NIPSNAP2: variants seen among roughly 807,000 people sequenced by gnomAD.
NIPSNAP2 encodes protein NipSnap homolog 2.
In NIPSNAP2, 42 loss-of-function variants were observed where a neutral mutation model predicts 48.4. The observed-to-expected ratio is 0.87, with a 90% CI of 0.68 to 1.12. The LOEUF (loss-of-function observed/expected upper bound fraction) is 1.12. Among genes scored for constraint, NIPSNAP2 ranks in the 50% most tolerant of loss-of-function variants. NIPSNAP2 has a pLI of 0.00. For synonymous variants in NIPSNAP2, 158 were observed against 126.6 expected (o/e 1.25, Z -1.67); for missense variants, 314 against 347.3 (o/e 0.90, Z 0.76).
chr7:55,996,397 C>T (rs925200037), intron 8 of NIPSNAP2, among the ~76,000 whole-genome samples: 4 of 152,052 alleles, frequency 2.6e-5, no homozygotes, highest in Admixed American at 6.6e-5. Context: ...CCTATTCCTA[C>T]GTCAGTGATG....
intron 7 of NIPSNAP2, among the ~76,000 whole-genome samples, 174 bp downstream of exon 7, chr7:55,985,052 T>A (rs1168061726): frequency 1.3e-5 from 2 of 152,188 alleles, no homozygotes; most frequent in Non-Finnish European, 2.9e-5. Flanking sequence ...CTAGAGAGAA[T>A]AATGGGGCTC....
At chr7:55,976,979 T>C (rs1056409918) in intron 1 of NIPSNAP2, among the ~76,000 whole-genome samples, 7 of 152,156 alleles carry the variant, frequency 4.6e-5, no homozygotes, top group African/African-American at 1.7e-4. Flanking sequence ...GCATTCACAA[T>C]AGAAATTTAA....
chr7:55,994,068 C>T (rs1343005402), intron 7 of NIPSNAP2, among the ~76,000 whole-genome samples: 3 of 152,110 alleles, frequency 2.0e-5, no homozygotes, highest in Non-Finnish European at 4.4e-5. Flanking sequence ...GGGTGTTTCT[C>T]AGGATTTCAG....
At chr7:55,970,068 T>C (rs1786988193) in intron 1 of NIPSNAP2, among the ~76,000 whole-genome samples, 1 of 151,914 alleles carries the variant, frequency 6.6e-6, no homozygotes, top group South Asian at 2.1e-4. Context: ...TTAAGTCCTT[T>C]CCCTTCTTCA....
chr7:55,972,654 G>C, intron 1 of NIPSNAP2, among the ~76,000 whole-genome samples: 1 of 151,896 alleles, frequency 6.6e-6, no homozygotes, highest in East Asian at 1.9e-4. Flanking sequence ...CTGGTTTCCC[G>C]ACCTCAGGTG....
In NIPSNAP2 at chr7:55,982,194, T is replaced by C; in HGVS notation, c.374-16T>C. The C allele has an allele frequency of 1.3e-6, 2 of 1,564,552 alleles. No homozygotes were observed. The highest frequency in any genetic ancestry group is 1.8e-6 in the Non-Finnish European group (2 of 1,136,168). The stretch of plus-strand genomic sequence containing the variant: ...TGAAATTCTAAACGTATACTGTCTT[T>C]TAAAATGCATTTCAGTCCACCTCTG... On this transcript the variant is annotated splice_polypyrimidine_tract_variant and intron_variant, in intron 4 of 9. Coordinates refer to ENST00000322090, the MANE Select transcript of NIPSNAP2 (RefSeq NM_001483.3).
intron 1 of NIPSNAP2, among the ~76,000 whole-genome samples, chr7:55,973,311 G>A (rs1787048085): frequency 6.6e-6 from 1 of 151,904 alleles, no homozygotes; most frequent in Admixed American, 6.6e-5. Flanking sequence ...AATACTATAT[G>A]TTTTTATCTT....
chr7:55,993,573 T>C (rs980246723), intron 7 of NIPSNAP2, among the ~76,000 whole-genome samples: 2 of 87,474 alleles, frequency 2.3e-5, no homozygotes, highest in African/African-American at 8.0e-5. Context: ...CGAGACTCCA[T>C]CTAAAAAAAA....
intron 4 of NIPSNAP2, chr7:55,981,966 C>T: frequency 2.9e-6 from 1 of 340,644 alleles, no homozygotes; most frequent in African/African-American, 2.1e-5. Flanking sequence ...ACCACCACAC[C>T]CAGGTAATTT....
At chr7:55,971,108 A>G (rs1423906953) in intron 1 of NIPSNAP2, among the ~76,000 whole-genome samples, 2 of 152,074 alleles carry the variant, frequency 1.3e-5, no homozygotes, top group African/African-American at 4.8e-5. Flanking sequence ...AGTGCCCCCT[A>G]CCATCTTGGC....
At chr7:55,998,982 T>C (rs1249664645) in intron 9 of NIPSNAP2, 26 bp from the exon 10 acceptor site, 1 of 1,592,540 alleles carries the variant, frequency 6.3e-7, no homozygotes, top group South Asian at 1.1e-5. Flanking sequence ...AAGTAACAAG[T>C]GCAGTAACCC....
At chr7:55,997,835 G>A (rs1414550773) in intron 9 of NIPSNAP2, among the ~76,000 whole-genome samples, 2 of 152,134 alleles carry the variant, frequency 1.3e-5, no homozygotes, top group Non-Finnish European at 2.9e-5. Context: ...ATCAATTAAA[G>A]AGTGATTTTG....
chr7:55,997,515 G>T, intron 9 of NIPSNAP2, 66 bp downstream of exon 9: 2 of 1,246,998 alleles, frequency 1.6e-6, no homozygotes, highest in South Asian at 1.2e-5. Flanking sequence ...CTTTCACCCT[G>T]ACACTAATAG....
intron 6 of NIPSNAP2, 75 bp downstream of exon 6, chr7:55,983,943 G>A: frequency 2.3e-6 from 3 of 1,330,554 alleles, no homozygotes; most frequent in Non-Finnish European, 3.2e-6. Context: ...GCTGACAACA[G>A]AACTTGTGTG....
At chr7:55,965,314 G>A (rs1470013903) in intron 1 of NIPSNAP2, 1 of 151,964 alleles carries the variant, frequency 6.6e-6, no homozygotes, top group Non-Finnish European at 1.5e-5. Context: ...TCAGCACTAA[G>A]TTCAGGCGTG....
At chr7:55,996,512 C>G (rs1787566831) in intron 8 of NIPSNAP2, among the ~76,000 whole-genome samples, 1 of 152,150 alleles carries the variant, frequency 6.6e-6, no homozygotes, top group African/African-American at 2.4e-5. Flanking sequence ...TGGGCCACGG[C>G]ACTCTCCACA....
At chr7:55,979,490 T>C (rs1028681022) in intron 3 of NIPSNAP2, 4 of 270,266 alleles carry the variant, frequency 1.5e-5, no homozygotes, top group African/African-American at 8.8e-5. Flanking sequence ...AGCCCGTTCC[T>C]TAGTTCTCTG....
chr7:55,978,370 T>C lies in NIPSNAP2; in HGVS notation c.253T>C (p.Cys85Arg). 6.2e-7 allele frequency: 1 copy of C among 1,612,820 alleles called. No homozygotes were observed. The highest frequency in any genetic ancestry group is 1.7e-5 in the Admixed American group (1 of 59,730). ...TTCAGTTCACAATGTTAAACCGGAA[T>C]GCCTAGAAGCATACAACAAAATTTG... ...KLQFHNVKPE[C>R]LEAYNKICQE... Residue 85 changes from cysteine (C) to arginine (R), a missense_variant, in exon 3 of 10, where the codon TGC becomes CGC. Cys to Arg is a radical substitution (Grantham distance 180). Transcript: ENST00000322090.
intron 7 of NIPSNAP2, among the ~76,000 whole-genome samples, chr7:55,989,796 A>G (rs923007820): frequency 1.3e-5 from 2 of 152,100 alleles, no homozygotes; most frequent in Non-Finnish European, 2.9e-5. Flanking sequence ...TTACTTCATT[A>G]TGGGATTTCT....
Sources: gnomAD v4.1 joint callset for allele counts (sites outside exome capture counted in the v4.1 genomes callset) on GRCh38, gnomAD v4.1.1 for gene constraint, MANE v1.5 for transcripts, NCBI Gene and HGNC (gene_info 2026-07-23, HGNC 2026-07-21) for gene names.